CPQ: variants seen among roughly 807,000 people sequenced by gnomAD.
CPQ encodes carboxypeptidase Q.
A neutral mutation model predicts 45.7 loss-of-function variants in CPQ; 37 were observed. The ratio of observed to expected loss-of-function variants is 0.81; its 90% CI spans 0.62 to 1.07. CPQ has a LOEUF of 1.07. Ranked by LOEUF, CPQ falls within the 50% of genes least tolerant of loss-of-function variation. CPQ has a pLI of 0.00. For synonymous variants in CPQ, 186 were observed against 205.8 expected (o/e 0.90, Z 0.82); for missense variants, 537 against 572.9 (o/e 0.94, Z 0.64).
At chr8:96,813,863 G>C (rs1317626389) in intron 2 of CPQ, among the ~76,000 whole-genome samples, 2 of 152,204 alleles carry the variant, frequency 1.3e-5, no homozygotes, top group Non-Finnish European at 1.5e-5. Context: ...ACCTGGGCAG[G>C]ACAAGTTCTT....
chr8:96,677,199 T>C (rs1809086932), intron 1 of CPQ, among the ~76,000 whole-genome samples: 1 of 152,154 alleles, frequency 6.6e-6, no homozygotes, highest in Non-Finnish European at 1.5e-5. Context: ...AGTAGCGGGA[T>C]TGCTGGATCA....
chr8:96,730,329 G>T (rs1809893217), intron 1 of CPQ, among the ~76,000 whole-genome samples: 1 of 152,182 alleles, frequency 6.6e-6, no homozygotes, highest in African/African-American at 2.4e-5. Context: ...GAAAGTCATA[G>T]AAAATTCTTA....
intron 1 of CPQ, among the ~76,000 whole-genome samples, chr8:96,764,172 A>G (rs943049981): frequency 2.6e-5 from 4 of 152,216 alleles, no homozygotes; most frequent in African/African-American, 9.7e-5. Flanking sequence ...GAACTGTGTT[A>G]TATCTATATT....
intron 4 of CPQ, among the ~76,000 whole-genome samples, chr8:96,910,954 G>A (rs1266874527): frequency 6.6e-6 from 1 of 151,630 alleles, no homozygotes; most frequent in Non-Finnish European, 1.5e-5. Flanking sequence ...TATACTAGAT[G>A]GACTCTTACT....
intron 4 of CPQ, among the ~76,000 whole-genome samples, chr8:96,964,386 T>C (rs1185022379): frequency 6.6e-6 from 1 of 152,206 alleles, no homozygotes; most frequent in African/African-American, 2.4e-5. Context: ...TATTTTGTCT[T>C]TTTCATTTTA....
chr8:96,857,134 A>G (rs1231962209), intron 3 of CPQ, among the ~76,000 whole-genome samples: 1 of 152,222 alleles, frequency 6.6e-6, no homozygotes, highest in Non-Finnish European at 1.5e-5. Context: ...GCTAATAGGC[A>G]TGGGTAGCCA....
chr8:96,847,185 C>T (rs1418523683), intron 3 of CPQ, among the ~76,000 whole-genome samples: 1 of 152,182 alleles, frequency 6.6e-6, no homozygotes, highest in Non-Finnish European at 1.5e-5. Flanking sequence ...AGAGGAAATA[C>T]ATTGCAATTA....
chr8:97,067,142 G>T (rs1288850135), intron 7 of CPQ, among the ~76,000 whole-genome samples: 2 of 151,778 alleles, frequency 1.3e-5, no homozygotes, highest in African/African-American at 4.8e-5. Flanking sequence ...GCCCAGGCTG[G>T]TCTCCAACTC....
chr8:96,708,485 A>G (rs1415357616), intron 1 of CPQ, among the ~76,000 whole-genome samples: 5 of 151,486 alleles, frequency 3.3e-5, no homozygotes, highest in Admixed American at 2.0e-4. Flanking sequence ...CTATACCTAT[A>G]TTTCATCCAA....
intron 5 of CPQ, among the ~76,000 whole-genome samples, chr8:96,986,343 G>A (rs1373945843): frequency 6.6e-6 from 1 of 152,022 alleles, no homozygotes; most frequent in East Asian, 1.9e-4. Context: ...GTTCTTTTAT[G>A]GTTTATTAGT....
At chr8:96,852,933 C>T (rs186435040) in intron 3 of CPQ, among the ~76,000 whole-genome samples, 1 of 152,232 alleles carries the variant, frequency 6.6e-6, no homozygotes, top group East Asian at 1.9e-4. Context: ...GCTTACATGC[C>T]CCCAAAAGAA....
intron 5 of CPQ, among the ~76,000 whole-genome samples, chr8:96,971,420 A>G (rs1813677266): frequency 6.6e-6 from 1 of 152,244 alleles, no homozygotes; most frequent in East Asian, 1.9e-4. Context: ...TATTTGAAAT[A>G]TGCTAATGAC....
chr8:96,941,567 T>G (rs182585122), intron 4 of CPQ, among the ~76,000 whole-genome samples: 2 of 152,044 alleles, frequency 1.3e-5, no homozygotes, highest in East Asian at 3.9e-4. Context: ...TAGTAATGAG[T>G]TGTTATTGAG....
chr8:96,723,603 T>C (rs918093004), intron 1 of CPQ, among the ~76,000 whole-genome samples: 2 of 152,156 alleles, frequency 1.3e-5, no homozygotes, highest in Non-Finnish European at 2.9e-5. Context: ...ATGAGTACCT[T>C]TTTAGTATCC....
At chr8:96,985,246 A>G (rs1034788926) in intron 5 of CPQ, among the ~76,000 whole-genome samples, 1 of 148,876 alleles carries the variant, frequency 6.7e-6, no homozygotes, top group Non-Finnish European at 1.5e-5. Context: ...TTCTTCTTCA[A>G]TCTGAGAACT....
At chr8:96,862,284 TTGTGTGTGTGTGTGTG>T (rs34611818) in intron 3 of CPQ, among the ~76,000 whole-genome samples, 1 of 141,098 alleles carries the variant, frequency 7.1e-6, no homozygotes, top group East Asian at 2.1e-4. Context: ...ATTTTTGCAT[TTGTGTGTGTGTGTGTG>T]TGTGTGTGTG....
chr8:97,122,957 A>C (rs1400977320), intron 7 of CPQ, among the ~76,000 whole-genome samples: 1 of 78,016 alleles, frequency 1.3e-5, no homozygotes, highest in African/African-American at 7.3e-5. Context: ...AAAATAAAAT[A>C]AAATAAAATA....
chr8:96,825,501 ACT>A, intron 2 of CPQ, among the ~76,000 whole-genome samples: 1 of 151,896 alleles, frequency 6.6e-6, no homozygotes, highest in African/African-American at 2.4e-5. Flanking sequence ...TAATGCCCTT[ACT>A]CTCTCCTCCT....
chr8:96,842,843 G>A (rs1040348103), intron 3 of CPQ, among the ~76,000 whole-genome samples: 1 of 152,056 alleles, frequency 6.6e-6, no homozygotes, highest in African/African-American at 2.4e-5. Flanking sequence ...TCTGTAAAAT[G>A]GGGGAAATAT....
Sources: allele counts gnomAD v4.1 joint callset (sites outside exome capture counted in the v4.1 genomes callset), GRCh38; gene constraint gnomAD v4.1.1; transcripts MANE v1.5; gene names NCBI Gene and HGNC (gene_info 2026-07-23, HGNC 2026-07-21).